Variants in FBLN1 observed in about 807,000 individuals in gnomAD.
FBLN1 encodes the protein fibulin-1.
A neutral mutation model predicts 89.7 loss-of-function variants in FBLN1; 34 were observed. The observed-to-expected ratio is 0.38, with a 90% CI of 0.29 to 0.50. The LOEUF (loss-of-function observed/expected upper bound fraction) is 0.50. FBLN1 is among the 20% of genes least tolerant of loss of function. The pLI is 0.92. For synonymous variants in FBLN1, 393 were observed against 391.3 expected (o/e 1.00, Z -0.05); for missense variants, 777 against 988.1 (o/e 0.79, Z 2.86).
chr22:45,570,355 G>GAAAAAAAAAAAAAAAAAAAAAAAAA (rs56383142), intron 14 of FBLN1, among the ~76,000 whole-genome samples: 2 of 108,634 alleles, frequency 1.8e-5, no homozygotes, highest in East Asian at 2.4e-4. Flanking sequence ...GAAAAGAAAA[G>GAAAAAAAAAAAAAAAAAAAAAAAAA]AAAAAAAAAA....
chr22:45,543,486 C>G lies in FBLN1; in HGVS notation c.1281C>G (p.Ser427=). 6.2e-7 allele frequency: 1 copy of G among 1,613,878 alleles called. No homozygotes were observed. Among genetic ancestry groups the G allele is most frequent in the African/African-American group, 1.3e-5 (1 of 75,034 alleles). The change falls in exon 11 of 17, where the codon TCC becomes TCG. Residue 427 remains serine (S), a synonymous_variant. Coordinates refer to ENST00000327858, the MANE Select transcript of FBLN1 (RefSeq NM_006486.3). ...NTLGSYLCSC[S]VGFRLSVDGR... is the part of the protein sequence containing the mutation. ...TGGGCTCCTACCTCTGCAGCTGTTC[C>G]GTGGGCTTCCGGCTCTCTGTGGATG...
rs553385152 is a variant in FBLN1, at chr22:45,529,368, G to A, written c.484+1359G>A. Among the ~76,000 whole-genome samples the A allele has an allele frequency of 9.2e-5, 14 of 152,304 alleles. No homozygotes were observed. In the South Asian group the frequency reaches 1.2e-3, roughly 14 times the overall value. On this transcript the variant is annotated intron_variant, in intron 4 of 16. Coordinates refer to ENST00000327858, the MANE Select transcript of FBLN1 (RefSeq NM_006486.3). ...GTGTGCCCCCCCGTTCTGTGTCCTCGCCCTGCATTTCTGTGTGGTTCAGTT... is the reference window on the plus strand; with the variant it reads ...GTGTGCCCCCCCGTTCTGTGTCCTCACCCTGCATTTCTGTGTGGTTCAGTT...
At chr22:45,518,968 C>T (rs985883931) in intron 2 of FBLN1, among the ~76,000 whole-genome samples, 181 bp downstream of exon 2, 13 of 152,148 alleles carry the variant, frequency 8.5e-5, no homozygotes, top group Non-Finnish European at 1.5e-4. Context: ...GGCCTGGCAC[C>T]GGGCCTTGGC....
chr22:45,534,138 G>A (rs927557336), intron 7 of FBLN1, among the ~76,000 whole-genome samples: 3 of 152,038 alleles, frequency 2.0e-5, no homozygotes, highest in Non-Finnish European at 4.4e-5. Flanking sequence ...TGACAGTAGT[G>A]CACCGGTGCC....
intron 16 of FBLN1, among the ~76,000 whole-genome samples, chr22:45,586,557 G>C (rs1468691300): frequency 2.6e-5 from 4 of 152,254 alleles, no homozygotes; most frequent in Admixed American, 1.3e-4. Flanking sequence ...CTTGCACAAA[G>C]GCAGTGGTGC....
intron 14 of FBLN1, among the ~76,000 whole-genome samples, chr22:45,564,336 G>A (rs1023244767): frequency 6.6e-5 from 10 of 152,194 alleles, no homozygotes; most frequent in East Asian, 3.8e-4. Context: ...GCCTAAAACC[G>A]TTCCTGGCTT....
At chr22:45,522,144 C>T (rs961165767) in intron 2 of FBLN1, among the ~76,000 whole-genome samples, 7 of 152,070 alleles carry the variant, frequency 4.6e-5, no homozygotes, top group Non-Finnish European at 7.4e-5. Flanking sequence ...TGTCACCATG[C>T]GTGGCTAATT....
chr22:45,545,016 C>T lies in FBLN1; in HGVS notation c.1321+1490C>T, dbSNP rs1230344951. 6.6e-6 allele frequency among the ~76,000 whole-genome samples: 1 copy of T among 152,234 alleles called. No homozygotes were observed. Among genetic ancestry groups the T allele is most frequent in the Non-Finnish European group, 1.5e-5 (1 of 68,044 alleles). On this transcript the variant is annotated intron_variant, in intron 11 of 16. Coordinates refer to ENST00000327858, the MANE Select transcript of FBLN1 (RefSeq NM_006486.3). This position sits in a 1 kb window ranked among gnomAD's most constrained non-coding sequence, Gnocchi z 5.9. ...GCACTGGCTCACAGGACGGCTTCTG[C>T]AGCCTGACTCAAACATGGCAGGTCC... is the stretch of plus-strand genomic sequence containing the variant.
rs914640807 is a variant in FBLN1 at position 45,530,761 on chromosome 22, A to G, written c.485-504A>G. Among the ~76,000 whole-genome samples the G allele has an allele frequency of 6.7e-6, 1 of 148,642 alleles. No homozygotes were observed. Among genetic ancestry groups the G allele is most frequent in the Non-Finnish European group, 1.5e-5 (1 of 67,704 alleles). On this transcript the variant is annotated intron_variant, in intron 4 of 16. Transcript: ENST00000327858. This position sits in a 1 kb window ranked among gnomAD's most constrained non-coding sequence, Gnocchi z 5.4. ...CCTTTGTGTCTGTGGTCTTTCTGTT[A>G]TAACTGATCTTTTTTTTTTGAAACG...
rs183601188 is a variant in FBLN1 at position 45,557,963 on chromosome 22, T to G, written c.1697+7348T>G. The G allele has an allele frequency of 1.5e-6, 1 of 688,886 alleles. No homozygotes were observed. Among genetic ancestry groups the G allele is most frequent in the African/African-American group, 1.8e-5 (1 of 56,580 alleles). 42.7% of individuals were successfully genotyped at this position (688,886 alleles called of 1,614,324 possible). A position where few individuals can be genotyped will look rare whatever the true frequency, so the allele number is the denominator to read the frequency against. On this transcript the variant is annotated intron_variant, in intron 14 of 16. Coordinates refer to ENST00000327858, the MANE Select transcript of FBLN1 (RefSeq NM_006486.3). The surrounding 1 kb of genome is among the most constrained non-coding windows in gnomAD (Gnocchi z 4.9). Reference sequence around the variant, plus strand: ...TCCCTTTGCCACTGTCCTTCAGGGATGTCCTAGAAAGGGGCAGTAGTGCTG... The same window carrying G: ...TCCCTTTGCCACTGTCCTTCAGGGAGGTCCTAGAAAGGGGCAGTAGTGCTG...
In FBLN1 at chr22:45,525,409, G is replaced by A. The variant is rs544739380; in HGVS notation, c.186-134G>A. On this transcript the variant is annotated intron_variant, in intron 2 of 16. Coordinates refer to ENST00000327858, the MANE Select transcript of FBLN1 (RefSeq NM_006486.3). ...TCCTTCTGTATGCCACTGGGGCACTGTGTATTTCTCTCTCTGTGTCTGTGG... is the reference window on the plus strand; with the variant it reads ...TCCTTCTGTATGCCACTGGGGCACTATGTATTTCTCTCTCTGTGTCTGTGG... 51 of 808,806 alleles carry A rather than the reference G, an allele frequency of 6.3e-5. 1 individual carries two copies. In the South Asian group the frequency reaches 8.1e-4, roughly 13 times the overall value. 50.1% of individuals were successfully genotyped at this position (808,806 alleles called of 1,614,324 possible).
At chr22:45,571,457 T>A (rs1241202170) in intron 14 of FBLN1, among the ~76,000 whole-genome samples, 1 of 152,340 alleles carries the variant, frequency 6.6e-6, no homozygotes, top group South Asian at 2.1e-4. Flanking sequence ...TCAGACAATG[T>A]AGACATAGCA....
intron 9 of FBLN1, among the ~76,000 whole-genome samples, chr22:45,541,868 C>T (rs1417772568): frequency 1.3e-5 from 2 of 152,254 alleles, no homozygotes; most frequent in African/African-American, 4.8e-5. Context: ...AAGGAGCCTT[C>T]CTCGCATAAC....
rs1370332644 is a variant in FBLN1, at chr22:45,556,647, T to G, written c.1697+6032T>G. Among the ~76,000 whole-genome samples the G allele has an allele frequency of 1.3e-5, 2 of 152,194 alleles. No individual in the cohort carries two copies. Among genetic ancestry groups the G allele is most frequent in the African/African-American group, 4.8e-5 (2 of 41,448 alleles). ...TCTTCATTTTGGAGTAGTAGACTGA[T>G]TTCATCTTGATAGTCTGGGTCAGCC... On this transcript the variant is annotated intron_variant, in intron 14 of 16. Coordinates refer to ENST00000327858, the MANE Select transcript of FBLN1 (RefSeq NM_006486.3). The surrounding 1 kb of genome is among the most constrained non-coding windows in gnomAD (Gnocchi z 4.6).
chr22:45,506,691 G>A (rs948139756), intron 1 of FBLN1, among the ~76,000 whole-genome samples: 1 of 152,126 alleles, frequency 6.6e-6, no homozygotes, highest in Non-Finnish European at 1.5e-5. Context: ...AGACTTCCAG[G>A]GAAACCCCCT....
chr22:45,518,397 A>T (rs903489023), intron 1 of FBLN1, among the ~76,000 whole-genome samples: 2 of 152,036 alleles, frequency 1.3e-5, no homozygotes, highest in Non-Finnish European at 2.9e-5. Flanking sequence ...TGGAGCAGGG[A>T]TCCATGTGTG....
At chr22:45,520,333 G>A (rs978850753) in intron 2 of FBLN1, among the ~76,000 whole-genome samples, 48 of 152,326 alleles carry the variant, frequency 3.2e-4, no homozygotes, top group African/African-American at 2.6e-4. Flanking sequence ...GTCTGAGACC[G>A]AGGTGTCAGC....
chr22:45,522,975 T>C (rs1370206613), intron 2 of FBLN1: 4 of 539,256 alleles, frequency 7.4e-6, no homozygotes, highest in African/African-American at 3.7e-5. Context: ...CTATAGGGGA[T>C]GCAGAATGCA....
intron 1 of FBLN1, among the ~76,000 whole-genome samples, chr22:45,504,737 A>G (rs1032544896): frequency 1.8e-4 from 27 of 151,994 alleles, no homozygotes; most frequent in African/African-American, 6.5e-4. Context: ...CTGAATGAAC[A>G]CCCCAGGACT....
Sources: gnomAD v4.1 joint callset for allele counts (sites outside exome capture counted in the v4.1 genomes callset) on GRCh38, gnomAD v4.1.1 for gene constraint, Gnocchi (gnomAD v3.1) non-coding constraint, MANE v1.5 for transcripts, NCBI Gene and HGNC (gene_info 2026-07-23, HGNC 2026-07-21) for gene names.